GAK: variants seen among roughly 807,000 people sequenced by gnomAD.
GAK encodes the protein cyclin-G-associated kinase.
GAK carries 79 observed loss-of-function variants against 143.9 expected under a neutral mutation model. The ratio of observed to expected loss-of-function variants is 0.55; its 90% confidence interval spans 0.46 to 0.66. The LOEUF (loss-of-function observed/expected upper bound fraction) is 0.66. GAK is among the 30% of genes least tolerant of loss of function. GAK has a pLI of 0.00. For missense variants in GAK, 1,693 were observed against 1,779.7 expected (o/e 0.95, Z 0.88); for synonymous variants, 881 against 765.5 (o/e 1.15, Z -2.49).
chr4:866,606 C>T (rs1050454188), intron 21 of GAK, 72 bp from the exon 22 acceptor site: 1 of 1,520,216 alleles, frequency 6.6e-7, no homozygotes, highest in African/African-American at 1.4e-5. Context: ...GCTCTGGAGT[C>T]AGGCCTGCCC....
At chr4:852,186 ACT>A (rs1315039965) in intron 24 of GAK, 7 of 609,530 alleles carry the variant, frequency 1.1e-5, no homozygotes, top group Non-Finnish European at 2.1e-5. Context: ...CGACGGGAAC[ACT>A]CTGGATGGAG....
intron 21 of GAK, 69 bp downstream of exon 21, chr4:866,887 A>G (rs1457062366): frequency 1.2e-5 from 14 of 1,171,180 alleles, no homozygotes; most frequent in Admixed American, 4.9e-5. Flanking sequence ...ACGCCCATGC[A>G]GTGAGAATGA....
At position 924,834 on chromosome 4, in the gene GAK, C is replaced by CCG. The variant is rs1553899109; in HGVS notation, c.145+7208_145+7209insCG. ...TTGGGTCGTGGGGGTGGAGTTCCCCCGGGGGGCTGCTCTCAGGATAGTGAG... is the reference window on the plus strand; with the variant it reads ...TTGGGTCGTGGGGGTGGAGTTCCCCCCGGGGGGGCTGCTCTCAGGATAGTGAG... On this transcript the variant is annotated intron_variant, in intron 1 of 27. Transcript: ENST00000314167. Among the ~76,000 whole-genome samples, 17 of 150,218 alleles carry CCG rather than the reference C, an allele frequency of 1.1e-4. 1 individual carries two copies. The highest frequency in any genetic ancestry group is 4.3e-4 in the South Asian group (2 of 4,670).
intron 1 of GAK, 102 bp from the exon 2 acceptor site, chr4:913,770 G>A (rs991161135): frequency 1.5e-5 from 15 of 1,011,292 alleles, no homozygotes; most frequent in African/African-American, 9.7e-5. Context: ...GACTTGTGGC[G>A]TGGCCAGCAG....
intron 1 of GAK, among the ~76,000 whole-genome samples, chr4:926,078 AC>A (rs1421423427): frequency 4.7e-5 from 7 of 147,904 alleles, no homozygotes; most frequent in African/African-American, 1.8e-4. Context: ...CCCGACAGTG[AC>A]CTCCCCAAAC....
At chr4:920,759 G>T (rs1723808089) in intron 1 of GAK, among the ~76,000 whole-genome samples, 1 of 151,868 alleles carries the variant, frequency 6.6e-6, no homozygotes, top group Non-Finnish European at 1.5e-5. Flanking sequence ...GGCCAGGATG[G>T]TCTCGATCTC....
intron 18 of GAK, among the ~76,000 whole-genome samples, chr4:873,055 G>A (rs549888209): frequency 6.6e-6 from 1 of 152,122 alleles, no homozygotes; most frequent in South Asian, 2.1e-4. Context: ...CACGCCTCTC[G>A]CCCACAGCGC....
chr4:903,051 T>TGTG (rs1178565534), intron 5 of GAK, among the ~76,000 whole-genome samples: 4 of 152,078 alleles, frequency 2.6e-5, no homozygotes, highest in African/African-American at 9.7e-5. Flanking sequence ...GAGTGTCCTC[T>TGTG]GTGGGGCTGT....
At chr4:915,837 C>T (rs1005108582) in intron 1 of GAK, 3 of 151,894 alleles carry the variant, frequency 2.0e-5, no homozygotes, top group East Asian at 1.9e-4. Flanking sequence ...CACTGATGGT[C>T]GACACTGTGA....
intron 11 of GAK, 106 bp from the exon 12 acceptor site, chr4:884,192 C>T: frequency 3.3e-6 from 3 of 918,060 alleles, no homozygotes; most frequent in East Asian, 2.5e-5. Context: ...GGGGCTCTCA[C>T]TGTAGAGGCC....
At chr4:882,846 G>A in intron 13 of GAK, 27 bp from the exon 14 acceptor site, 1 of 1,600,770 alleles carries the variant, frequency 6.2e-7, no homozygotes, top group Non-Finnish European at 8.5e-7. Context: ...CGGTGGCACG[G>A]ACGGCAGAGG....
At position 932,143 on chromosome 4, in the gene GAK, G is replaced by A. The variant is rs761942900; in HGVS notation, c.45C>T (p.Gly15=). The part of the protein sequence containing the change: ...QSALDFLAGP[G]SLGGASGRDQ... ...CGCGGCCGGAAGCACCGCCCAGGGAGCCTGGACCCGCCAAGAAGTCGAGCG... is the reference window on the plus strand; with the variant it reads ...CGCGGCCGGAAGCACCGCCCAGGGAACCTGGACCCGCCAAGAAGTCGAGCG... Residue 15 remains glycine (G), a synonymous_variant, in exon 1 of 28, where the codon GGC becomes GGT. Transcript: ENST00000314167. The surrounding 1 kb of genome is among the most constrained non-coding windows in gnomAD (Gnocchi z 4.0). 6 of 1,581,908 alleles carry A rather than the reference G, an allele frequency of 3.8e-6. No homozygotes were observed. The African/African-American group carries it at 5.4e-5, about 14-fold the overall frequency.
rs554361263 is a variant in GAK at position 897,634 on chromosome 4, T to C, written c.651+399A>G. 5.9e-5 allele frequency among the ~76,000 whole-genome samples: 9 copies of C among 152,342 alleles called. No homozygotes were observed. The South Asian group carries it at 1.9e-3, about 32-fold the overall frequency. ...ACCCTGTGTTTTCAGCTCCACTTCC[T>C]GTTACCTTCAACTGCTCTAAAAAAT... is the stretch of plus-strand genomic sequence containing the variant. On this transcript the variant is annotated intron_variant, in intron 6 of 27. Transcript: ENST00000314167.
chr4:906,834 C>G (rs957874682), intron 4 of GAK, among the ~76,000 whole-genome samples: 1 of 152,198 alleles, frequency 6.6e-6, no homozygotes, highest in Admixed American at 6.5e-5. Context: ...AGAGCTTGCG[C>G]TCCCAGCCAC....
chr4:931,995 G>A, intron 1 of GAK, 48 bp downstream of exon 1: 1 of 1,352,372 alleles, frequency 7.4e-7, no homozygotes, highest in Non-Finnish European at 1.0e-6. Flanking sequence ...CAGCGTCCCG[G>A]AGACAACACT....
intron 26 of GAK, 91 bp from the exon 27 acceptor site, chr4:850,159 G>A: frequency 7.6e-7 from 1 of 1,308,264 alleles, no homozygotes; most frequent in Non-Finnish European, 1.0e-6. Flanking sequence ...CTGAGGAAGT[G>A]CCTGGTCACG....
At chr4:888,802 G>A in intron 11 of GAK, 45 bp downstream of exon 11, 1 of 1,572,206 alleles carries the variant, frequency 6.4e-7, no homozygotes, top group Non-Finnish European at 8.6e-7. Flanking sequence ...CTGCAGCCTG[G>A]AACGAGCGTG....
At chr4:914,496 T>C (rs1577297033) in intron 1 of GAK, among the ~76,000 whole-genome samples, 1 of 61,274 alleles carries the variant, frequency 1.6e-5, no homozygotes, top group African/African-American at 7.0e-5. Context: ...AGCCCCAGCG[T>C]GCACGGCCCC....
At chr4:881,231 C>T (rs1337351065) in intron 15 of GAK, among the ~76,000 whole-genome samples, 1 of 152,322 alleles carries the variant, frequency 6.6e-6, no homozygotes, top group East Asian at 1.9e-4. Context: ...GGCCTTTGCT[C>T]CTGGGCCCTA....
Sources: gnomAD v4.1 joint callset for allele counts (sites outside exome capture counted in the v4.1 genomes callset) on GRCh38, gnomAD v4.1.1 for gene constraint, Gnocchi (gnomAD v3.1) non-coding constraint, MANE v1.5 for transcripts, NCBI Gene and HGNC (gene_info 2026-07-23, HGNC 2026-07-21) for gene names.